The following DDR2 variants were observed in gnomAD, a reference collection of about 807,000 sequenced individuals.
DDR2 encodes discoidin domain-containing receptor 2.
In DDR2, 27 loss-of-function variants were observed where a neutral mutation model predicts 94.9. That is an observed-to-expected ratio of 0.28 (90% CI 0.21 to 0.39). The LOEUF (loss-of-function observed/expected upper bound fraction) is 0.39, where lower values mean the gene tolerates loss of function less well. Among genes scored for constraint, DDR2 ranks in the 10% least tolerant of loss-of-function variants. The pLI is 1.00. For missense variants in DDR2, 783 were observed against 1,076.0 expected (o/e 0.73, Z 3.81); for synonymous variants, 382 against 377.2 (o/e 1.01, Z -0.15).
At chr1:162,649,058 GC>G (rs1657553646) in intron 1 of DDR2, among the ~76,000 whole-genome samples, 1 of 152,006 alleles carries the variant, frequency 6.6e-6, no homozygotes, top group Non-Finnish European at 1.5e-5. Flanking sequence ...GACCTACAAA[GC>G]AAGTCTTGCT....
At chr1:162,753,255 A>G (rs367676177) in intron 4 of DDR2, 58 bp downstream of exon 4, 1 of 1,506,414 alleles carries the variant, frequency 6.6e-7, no homozygotes. Context: ...TTTCCTGGGC[A>G]CAGATTCCTG....
chr1:162,642,906 A>T (rs1657210879), intron 1 of DDR2, among the ~76,000 whole-genome samples: 1 of 152,180 alleles, frequency 6.6e-6, no homozygotes, highest in African/African-American at 2.4e-5. Context: ...TCATGTTTGG[A>T]GGTGAAAAAT....
In DDR2 at chr1:162,695,767, T is replaced by TGCTATA. The variant is rs371743391; in HGVS notation, c.-27-23269_-27-23264dup. On this transcript the variant is annotated intron_variant, in intron 2 of 17. Transcript: ENST00000367921. ...TCATAGCTACCATTTACTGAGTACT[T>TGCTATA]GCTATATGCCAGGCACTATAAAAAC... Among the ~76,000 whole-genome samples the TGCTATA allele has an allele frequency of 7.9e-4, 120 of 152,354 alleles. 1 individual carries two copies. The highest frequency in any genetic ancestry group is 2.7e-3 in the African/African-American group (111 of 41,582).
chr1:162,748,998 T>C (rs1663035065), intron 3 of DDR2, among the ~76,000 whole-genome samples: 1 of 152,190 alleles, frequency 6.6e-6, no homozygotes. Flanking sequence ...TGGGACACAT[T>C]CAAAGCAGTG....
intron 1 of DDR2, among the ~76,000 whole-genome samples, chr1:162,633,670 A>G (rs185511058): frequency 3.3e-5 from 5 of 152,358 alleles, no homozygotes; most frequent in Non-Finnish European, 7.3e-5. Flanking sequence ...ATTCTGGCTG[A>G]GACAATAGAG....
At chr1:162,761,169 A>G (rs754011213) in intron 8 of DDR2, 42 bp from the exon 9 acceptor site, 1 of 1,613,046 alleles carries the variant, frequency 6.2e-7, no homozygotes, top group Non-Finnish European at 8.5e-7. Context: ...CATGCACCTT[A>G]GCAGGGCCAA....
chr1:162,775,854 C>G lies in DDR2; in HGVS notation c.2048+11C>G, dbSNP rs185498272. 4 of 1,613,820 alleles carry G rather than the reference C, an allele frequency of 2.5e-6. No individual in the cohort carries two copies. The African/African-American group carries it at 4.0e-5, about 16-fold the overall frequency. ...TGTACGCACTGTCAGGTAAACAAGC[C>G]AGGTCTTCCTTCTCCTCCCTGTGGT... is the stretch of plus-strand genomic sequence containing the variant. On this transcript the variant is annotated intron_variant, in intron 15 of 17. Coordinates refer to ENST00000367921, the MANE Select transcript of DDR2 (RefSeq NM_006182.4).
At chr1:162,698,149 C>T (rs1660269873) in intron 2 of DDR2, among the ~76,000 whole-genome samples, 1 of 152,156 alleles carries the variant, frequency 6.6e-6, no homozygotes, top group Non-Finnish European at 1.5e-5. Context: ...TGAAATTGAA[C>T]ATGGAAAGCT....
chr1:162,776,050 G>C, intron 15 of DDR2, 86 bp from the exon 16 acceptor site: 3 of 1,382,018 alleles, frequency 2.2e-6, no homozygotes. Context: ...TTCAACCCTA[G>C]TTTGTTGATA....
intron 2 of DDR2, among the ~76,000 whole-genome samples, chr1:162,673,602 T>TGC (rs1658980660): frequency 8.6e-6 from 1 of 115,952 alleles, no homozygotes; most frequent in Admixed American, 8.9e-5. Context: ...TGTATGTGTG[T>TGC]GTGTGTGAGA....
intron 2 of DDR2, among the ~76,000 whole-genome samples, chr1:162,712,527 C>G (rs1235137304): frequency 6.6e-6 from 1 of 151,982 alleles, no homozygotes; most frequent in Non-Finnish European, 1.5e-5. Flanking sequence ...TCCTGGTTTC[C>G]TGGTGGCTTT....
chr1:162,749,420 T>A (rs1484787404), intron 3 of DDR2, among the ~76,000 whole-genome samples: 1 of 152,178 alleles, frequency 6.6e-6, no homozygotes, highest in East Asian at 1.9e-4. Context: ...AATGGATAAA[T>A]TCCTGGACAT....
intron 2 of DDR2, among the ~76,000 whole-genome samples, chr1:162,674,609 C>A (rs762833776): frequency 3.3e-5 from 5 of 152,188 alleles, no homozygotes; most frequent in Admixed American, 6.5e-5. Flanking sequence ...CAGCTCACCC[C>A]TTTTGCTTTA....
chr1:162,652,798 G>T (rs1375977645), intron 1 of DDR2, among the ~76,000 whole-genome samples: 1 of 152,198 alleles, frequency 6.6e-6, no homozygotes, highest in Non-Finnish European at 1.5e-5. Context: ...GAACTCAGAT[G>T]GTCTACAAAA....
intron 2 of DDR2, among the ~76,000 whole-genome samples, chr1:162,704,691 G>C (rs1343196839): frequency 6.6e-6 from 1 of 152,150 alleles, no homozygotes; most frequent in Non-Finnish European, 1.5e-5. Flanking sequence ...CCCTGAAAGA[G>C]GGTGCCACCC....
intron 2 of DDR2, among the ~76,000 whole-genome samples, chr1:162,674,839 A>C (rs1659049571): frequency 6.6e-6 from 1 of 152,144 alleles, no homozygotes. Context: ...GGCACAACTA[A>C]ATTTTCATGA....
At chr1:162,692,668 T>G (rs1176580925) in intron 2 of DDR2, among the ~76,000 whole-genome samples, 1 of 151,966 alleles carries the variant, frequency 6.6e-6, no homozygotes, top group Non-Finnish European at 1.5e-5. Context: ...CTTGAAAGAG[T>G]GGGAAATAAT....
chr1:162,785,772 C>G lies in DDR2; in HGVS notation c.*5526C>G, dbSNP rs1430356914. On this transcript the variant is annotated 3_prime_UTR_variant, in exon 18 of 18. Coordinates refer to ENST00000367921, the MANE Select transcript of DDR2 (RefSeq NM_006182.4). Reference sequence around the variant, plus strand: ...AGTGAGGAAAGAGAAAAAAATTACTCAGACTTGTTCCTGGTGAAGTGCATT... The same window carrying G: ...AGTGAGGAAAGAGAAAAAAATTACTGAGACTTGTTCCTGGTGAAGTGCATT... 1 of 152,198 alleles carries G rather than the reference C, an allele frequency of 6.6e-6. No homozygotes were observed. The highest frequency in any genetic ancestry group is 1.5e-5 in the Non-Finnish European group (1 of 68,022). The allele number at this position is 152,198 out of a possible 1,614,324, so 9.4% of individuals were successfully genotyped here. A position where few individuals can be genotyped will look rare whatever the true frequency, so the allele number is the denominator to read the frequency against.
chr1:162,723,622 T>C (rs1661521995), intron 3 of DDR2, among the ~76,000 whole-genome samples: 1 of 152,166 alleles, frequency 6.6e-6, no homozygotes, highest in Non-Finnish European at 1.5e-5. Context: ...TAGAGGATTG[T>C]TGTGTATAAA....
Sources: allele counts gnomAD v4.1 joint callset (sites outside exome capture counted in the v4.1 genomes callset), GRCh38; gene constraint gnomAD v4.1.1; transcripts MANE v1.5; gene names NCBI Gene and HGNC (gene_info 2026-07-23, HGNC 2026-07-21).